Variants in GPR137 observed in about 807,000 individuals in gnomAD.
GPR137 encodes integral membrane protein GPR137.
A neutral mutation model predicts 38.9 loss-of-function variants in GPR137; 20 were observed. The ratio of observed to expected loss-of-function variants is 0.51; its 90% CI spans 0.36 to 0.75. The LOEUF (loss-of-function observed/expected upper bound fraction) is 0.75. Among genes scored for constraint, GPR137 ranks in the 30% least tolerant of loss-of-function variants. The pLI is 0.00. For missense variants in GPR137, 456 were observed against 526.4 expected (o/e 0.87, Z 1.31); for synonymous variants, 226 against 235.8 (o/e 0.96, Z 0.38).
intron 2 of GPR137, chr11:64,277,070 C>A (rs1389758824): frequency 2.8e-6 from 2 of 702,256 alleles, no homozygotes; most frequent in East Asian, 5.4e-5. Flanking sequence ...GAAACAGAGG[C>A]ACACTTAATT....
chr11:64,285,004 G>A, upstream of GPR137: 1 of 1,260,366 alleles, frequency 7.9e-7, no homozygotes, highest in South Asian at 1.8e-5. Context: ...CCCCAGTGAA[G>A]TGGGGATAGT....
At chr11:64,278,108 A>G (rs2033189416) in intron 2 of GPR137, among the ~76,000 whole-genome samples, 1 of 152,110 alleles carries the variant, frequency 6.6e-6, no homozygotes, top group Non-Finnish European at 1.5e-5. Flanking sequence ...AGCAACACAG[A>G]AAGACCCTTG....
At chr11:64,287,997 G>A in intron 3 of GPR137, 51 bp downstream of exon 3, 1 of 1,602,424 alleles carries the variant, frequency 6.2e-7, no homozygotes, top group Non-Finnish European at 8.5e-7. Context: ...CTCGGCAGCG[G>A]TTCTCAGGGT....
chr11:64,282,315 G>A (rs2033532313), upstream of GPR137, among the ~76,000 whole-genome samples: 1 of 152,186 alleles, frequency 6.6e-6, no homozygotes, highest in Non-Finnish European at 1.5e-5. Context: ...AAAGAAAGCT[G>A]TGGAGGCTGA....
In GPR137 at chr11:64,287,863, G is replaced by T. The variant is rs375255078; in HGVS notation, c.550G>T (p.Val184Phe). 2.0e-5 allele frequency: 32 copies of T among 1,604,726 alleles called. No homozygotes were observed. In the African/African-American group the frequency reaches 2.7e-4, roughly 13 times the overall value. Residue 184 changes from valine (V) to phenylalanine (F), a missense_variant, in exon 3 of 7, where the codon GTC becomes TTC. Physicochemically the swap from Val to Phe is conservative, Grantham distance 50. Transcript: ENST00000438980. The stretch of plus-strand genomic sequence containing the variant: ...CGTCCTGGTGAGCGACTCCCTGTTC[G>T]TCATCTGCGCGCTGTCTCTTGCTGC... ...VRVLVSDSLFVICALSLAACL... is the reference protein window; with the variant it reads ...VRVLVSDSLFFICALSLAACL...
intron 2 of GPR137, among the ~76,000 whole-genome samples, chr11:64,277,361 G>T (rs1286318509): frequency 6.6e-6 from 1 of 152,202 alleles, no homozygotes; most frequent in Non-Finnish European, 1.5e-5. Flanking sequence ...AGCCCCTTCA[G>T]GCCTGCAGAG....
At chr11:64,271,088 C>CACG (rs1565344268), upstream of GPR137, among the ~76,000 whole-genome samples, 2 of 1,652 alleles carry the variant, frequency 1.2e-3, no homozygotes, top group African/African-American at 1.8e-3. Flanking sequence ...CACACACACA[C>CACG]CTGGAGTGGG....
chr11:64,285,615 C>T (rs999188587), upstream of GPR137: 3 of 985,040 alleles, frequency 3.0e-6, no homozygotes, highest in South Asian at 4.7e-5. Context: ...CAAGTAAAGG[C>T]GGGCGGCACG....
rs766174876 is a variant in GPR137 at position 64,286,633 on chromosome 11, C to T, written c.109C>T (p.Leu37Phe). Residue 37 changes from leucine to phenylalanine, a missense_variant, in exon 1 of 7, where the codon CTC (leucine) becomes TTC (phenylalanine). By Grantham distance (22) the Leu-to-Phe change is conservative (BLOSUM62 0). Coordinates refer to ENST00000438980, the MANE Select transcript of GPR137 (RefSeq NM_001170880.2). Reference sequence around the variant, plus strand: ...TGCCTACACCACCCTGTATGCCCTGCTCTTCTTCTCCGTCTATGCCCAGCT... The same window carrying T: ...TGCCTACACCACCCTGTATGCCCTGTTCTTCTTCTCCGTCTATGCCCAGCT... ...TAAYTTLYAL[L>F]FFSVYAQLWL... 6.2e-7 allele frequency: 1 copy of T among 1,614,094 alleles called. No individual in the cohort carries two copies. Among genetic ancestry groups the T allele is most frequent in the East Asian group, 2.2e-5 (1 of 44,884 alleles).
At chr11:64,272,319 GAAAA>G (rs776668412), upstream of GPR137, among the ~76,000 whole-genome samples, 1 of 139,058 alleles carries the variant, frequency 7.2e-6, no homozygotes, top group African/African-American at 2.7e-5. Flanking sequence ...TTTCTCAAAA[GAAAA>G]AAAAAAAAAG....
upstream of GPR137, among the ~76,000 whole-genome samples, chr11:64,272,464 G>A (rs73500188): frequency 0.018 from 2,743 of 152,196 alleles, 89 homozygotes; most frequent in African/African-American, 0.059. Context: ...TGCCACAGCC[G>A]GCAGGATTGA....
chr11:64,286,425 T>C lies in GPR137; in HGVS notation c.-100T>C. On this transcript the variant is annotated 5_prime_UTR_variant, in exon 1 of 7. Coordinates refer to ENST00000438980, the MANE Select transcript of GPR137 (RefSeq NM_001170880.2). Reference sequence around the variant, plus strand: ...TTTCCTCCTGAGCGCCCCATCTCCCTCTCTGCACCCTGCAATTCCCACCCC... The same window carrying C: ...TTTCCTCCTGAGCGCCCCATCTCCCCCTCTGCACCCTGCAATTCCCACCCC... The C allele has an allele frequency of 6.6e-7, 1 of 1,513,226 alleles. No individual in the cohort carries two copies. Among genetic ancestry groups the C allele is most frequent in the East Asian group, 2.3e-5 (1 of 43,132 alleles). The allele number at this position is 1,513,226 out of a possible 1,614,324, so 93.7% of individuals were successfully genotyped here.
At chr11:64,281,157 C>A (rs529429571), upstream of GPR137, among the ~76,000 whole-genome samples, 1 of 152,058 alleles carries the variant, frequency 6.6e-6, no homozygotes, top group East Asian at 1.9e-4. Flanking sequence ...TTAGTGGAGA[C>A]GGGGTTCACC....
upstream of GPR137, among the ~76,000 whole-genome samples, chr11:64,279,729 C>A (rs1454116164): frequency 6.9e-6 from 1 of 144,648 alleles, no homozygotes; most frequent in Non-Finnish European, 1.5e-5. Flanking sequence ...TGCCACTGCA[C>A]TCCAGCCTGG....
rs2034336955 is a variant in GPR137 at position 64,288,119 on chromosome 11, G to A, written c.688G>A (p.Ala230Thr). 1.2e-6 allele frequency: 2 copies of A among 1,612,510 alleles called. No homozygotes were observed. The highest frequency in any genetic ancestry group is 1.7e-6 in the Non-Finnish European group (2 of 1,179,996). Residue 230 changes from alanine to threonine, a missense_variant, in exon 4 of 7, where the codon GCC (alanine) becomes ACC (threonine). By Grantham distance (58) the Ala-to-Thr change is moderately conservative (BLOSUM62 0). Transcript: ENST00000438980. The surrounding 1 kb of genome is among the most constrained non-coding windows in gnomAD (Gnocchi z 5.5). The part of the protein sequence containing the change: ...AMGGAMVLLY[A>T]SRACYNLTAL... ...GGGTGGCGCCATGGTCCTGCTCTAT[G>A]CCAGCCGGGCCTGCTACAACCTGAC...
upstream of GPR137, among the ~76,000 whole-genome samples, chr11:64,271,088 C>CACACACACA (rs1565344268): frequency 6.1e-4 from 1 of 1,652 alleles, no homozygotes; most frequent in Non-Finnish European, 3.0e-3. Context: ...CACACACACA[C>CACACACACA]CTGGAGTGGG....
In GPR137 at chr11:64,288,685, G is replaced by A. The variant is rs929799699; in HGVS notation, c.995G>A (p.Gly332Asp). ...FDRAGHCEDE[G>D]CSWEHSRGES... ...CGGGCTGGGCACTGTGAAGATGAGG[G>A]CTGCTCCTGGGAGCACAGCCGGGGT... The change falls in exon 6 of 7, where the codon GGC becomes GAC. Residue 332 changes from glycine (G) to aspartate (D), a missense_variant. Physicochemically the swap from Gly to Asp is moderately conservative, Grantham distance 94. Transcript: ENST00000438980. The surrounding 1 kb of genome is among the most constrained non-coding windows in gnomAD (Gnocchi z 5.5). The A allele has an allele frequency of 1.3e-6, 2 of 1,585,798 alleles. No homozygotes were observed. The highest frequency in any genetic ancestry group is 1.3e-5 in the African/African-American group (1 of 74,360).
At chr11:64,271,630 A>T (rs2032617239), upstream of GPR137, 4 of 1,498,182 alleles carry the variant, frequency 2.7e-6, no homozygotes, top group Non-Finnish European at 2.7e-6. Context: ...GAGTCCACAA[A>T]CTCGTCACTC....
Position 64,288,383 on chromosome 11 carries a change from T to C in GPR137, c.827T>C (p.Phe276Ser). The C allele has an allele frequency of 1.1e-5, 17 of 1,613,908 alleles. No individual in the cohort carries two copies. The highest frequency in any genetic ancestry group is 1.4e-5 in the Non-Finnish European group (17 of 1,179,980). Reference sequence around the variant, plus strand: ...CTGGGGAACAAAGGCTACCTGGTATTTGGCCTCATCCTCTTCGTGTGGGAG... The same window carrying C: ...CTGGGGAACAAAGGCTACCTGGTATCTGGCCTCATCCTCTTCGTGTGGGAG... ...NDLGNKGYLV[F>S]GLILFVWELL... Residue 276 changes from phenylalanine to serine, a missense_variant, in exon 5 of 7, where the codon TTT becomes TCT. Physicochemically the swap from Phe to Ser is radical, Grantham distance 155. Transcript: ENST00000438980. This position sits in a 1 kb window ranked among gnomAD's most constrained non-coding sequence, Gnocchi z 5.5.
Sources: gnomAD v4.1 joint callset for allele counts (sites outside exome capture counted in the v4.1 genomes callset) on GRCh38, gnomAD v4.1.1 for gene constraint, Gnocchi (gnomAD v3.1) non-coding constraint, MANE v1.5 for transcripts, NCBI Gene and HGNC (gene_info 2026-07-23, HGNC 2026-07-21) for gene names.